The following TWIST2 variants were observed in gnomAD, a reference collection of about 807,000 sequenced individuals.
The protein encoded by TWIST2 is twist-related protein 2.
Under a neutral mutation model 11.6 loss-of-function variants are expected in TWIST2, and 1 was observed. The ratio of observed to expected loss-of-function variants is 0.09; its 90% confidence interval spans 0.03 to 0.41. The LOEUF (loss-of-function observed/expected upper bound fraction) is 0.41. Among genes scored for constraint, TWIST2 ranks in the 10% least tolerant of loss-of-function variants. The probability of loss-of-function intolerance (pLI) is 0.98; values close to 1 mark genes in which losing one functional copy is unlikely to be tolerated. For missense variants in TWIST2, 168 were observed against 226.4 expected, an observed-to-expected ratio of 0.74 and a Z score of 1.66; for synonymous variants, 87 against 96.6, an observed-to-expected ratio of 0.90 and a Z score of 0.58.
intron 1 of TWIST2, among the ~76,000 whole-genome samples, chr2:238,903,460 G>A (rs1484396880): frequency 7.1e-6 from 1 of 139,972 alleles, no homozygotes; most frequent in Non-Finnish European, 1.5e-5. Flanking sequence ...TCTAATGTGA[G>A]GTGTGTGTGA....
intron 1 of TWIST2, among the ~76,000 whole-genome samples, chr2:238,875,802 T>C (rs1017318577): frequency 1.3e-5 from 2 of 152,162 alleles, no homozygotes; most frequent in Non-Finnish European, 2.9e-5. Flanking sequence ...AATAAATAGA[T>C]GGAAAGGTTA....
chr2:238,870,306 ACCCCACACAC>A lies in TWIST2; in HGVS notation c.*35+21587_*35+21596del, dbSNP rs1386999630. Among the ~76,000 whole-genome samples, 5 of 1,740 alleles carry A rather than the reference ACCCCACACAC, an allele frequency of 2.9e-3. 1 individual carries two copies. The highest frequency in any genetic ancestry group is 0.026 in the African/African-American group (5 of 194). 1.1% of individuals were successfully genotyped at this position (1,740 alleles called of 152,430 possible). On this transcript the variant is annotated intron_variant, in intron 1 of 1. Coordinates refer to ENST00000612363, the MANE Select transcript of TWIST2 (RefSeq NM_001271893.4). Reference sequence around the variant, plus strand: ...CATCACATACCACACACCCCCACACACCCCACACACCCCCACACACCCCACACACCCCACA... The same window carrying A: ...CATCACATACCACACACCCCCACACACCCCACACACCCCACACACCCCACA...
At position 238,848,250 on chromosome 2, in the gene TWIST2, TGG is replaced by T; in HGVS notation, c.36_37del (p.Asp13GlnfsTer86). 6.6e-7 allele frequency: 1 copy of T among 1,514,150 alleles called. No individual in the cohort carries two copies. Among genetic ancestry groups the T allele is most frequent in the Non-Finnish European group, 8.8e-7 (1 of 1,132,138 alleles). 93.8% of individuals were successfully genotyped at this position (1,514,150 alleles called of 1,614,324 possible). A position where few individuals can be genotyped will look rare whatever the true frequency, so the allele number is the denominator to read the frequency against. On this transcript the variant is annotated frameshift_variant, in exon 1 of 2. Transcript: ENST00000612363. LOFTEE classifies it high-confidence loss of function. The stretch of plus-strand genomic sequence containing the variant: ...GGCTCCAGCTCGCCCGTGTCCCCCG[TGG>T]ACAGCCTGGGCACCAGCGAGGAGGA...
intron 1 of TWIST2, among the ~76,000 whole-genome samples, chr2:238,907,719 C>T (rs1175771876): frequency 6.7e-6 from 1 of 149,476 alleles, no homozygotes; most frequent in African/African-American, 2.5e-5. Context: ...ACACAATACA[C>T]ACACAAACAC....
At chr2:238,903,658 G>GTGTGATGTCGTGTGTGTGTGATA in intron 1 of TWIST2, among the ~76,000 whole-genome samples, 1 of 66 alleles carries the variant, frequency 0.015, no homozygotes, top group Admixed American at 0.17. Context: ...TGTGAGGTGT[G>GTGTGATGTCGTGTGTGTGTGATA]TNNNNNNNNN....
intron 1 of TWIST2, among the ~76,000 whole-genome samples, chr2:238,905,934 CGTGTGTGT>C (rs1201534035): frequency 7.5e-4 from 77 of 103,312 alleles, no homozygotes; most frequent in African/African-American, 2.2e-3. Context: ...TGCGTGTGCG[CGTGTGTGT>C]GCGCGCGCGT....
intron 1 of TWIST2, among the ~76,000 whole-genome samples, chr2:238,902,327 G>A (rs1166958725): frequency 2.0e-5 from 3 of 151,092 alleles, no homozygotes; most frequent in African/African-American, 7.3e-5. Context: ...TATGTGTGGT[G>A]TGGGGGTGTG....
chr2:238,870,552 CCACA>C (rs1445110776), intron 1 of TWIST2, among the ~76,000 whole-genome samples: 2 of 123,906 alleles, frequency 1.6e-5, no homozygotes, highest in African/African-American at 6.3e-5. Flanking sequence ...CCCACACACC[CCACA>C]CACACCACAC....
intron 1 of TWIST2, among the ~76,000 whole-genome samples, chr2:238,880,997 TTTA>T (rs1692913260): frequency 1.1e-5 from 1 of 92,058 alleles, no homozygotes; most frequent in South Asian, 4.1e-4. Flanking sequence ...GTTGGTAATA[TTTA>T]TTAGCATTAG....
At chr2:238,880,134 T>TGTGTTA (rs967542075) in intron 1 of TWIST2, among the ~76,000 whole-genome samples, 3 of 137,474 alleles carry the variant, frequency 2.2e-5, no homozygotes, top group East Asian at 5.7e-4. Flanking sequence ...TTAGTATTAG[T>TGTGTTA]GTGTTAGTGT....
At position 238,848,714 on chromosome 2, in the gene TWIST2, C is replaced by A; in HGVS notation, c.*16C>A. 1 of 1,486,582 alleles carries A rather than the reference C, an allele frequency of 6.7e-7. No individual in the cohort carries two copies. The highest frequency in any genetic ancestry group is 8.9e-7 in the Non-Finnish European group (1 of 1,119,814). 92.1% of individuals were successfully genotyped at this position (1,486,582 alleles called of 1,614,324 possible). A position where few individuals can be genotyped will look rare whatever the true frequency, so the allele number is the denominator to read the frequency against. The stretch of plus-strand genomic sequence containing the variant: ...CTCCCACTAGCGCCGCGCCACCCAC[C>A]TCCGGACCGGCGCGCCAGGGTAGGT... On this transcript the variant is annotated 3_prime_UTR_variant, in exon 1 of 2. Coordinates refer to ENST00000612363, the MANE Select transcript of TWIST2 (RefSeq NM_001271893.4).
intron 1 of TWIST2, among the ~76,000 whole-genome samples, chr2:238,890,436 T>C (rs2106369146): frequency 6.6e-6 from 1 of 152,218 alleles, no homozygotes; most frequent in African/African-American, 2.4e-5. Context: ...ACAAGCCTTG[T>C]AAAAAAGAGG....
chr2:238,881,213 C>CTTAGTGTTAGTGTCAGTATTAGTA (rs1248081031), intron 1 of TWIST2, among the ~76,000 whole-genome samples: 1 of 122,394 alleles, frequency 8.2e-6, no homozygotes, highest in Non-Finnish European at 1.6e-5. Context: ...TACTGTTAGT[C>CTTAGTGTTAGTGTCAGTATTAGTA]TTAGTGTTAG....
At chr2:238,852,668 C>CGCACAT (rs376635643) in intron 1 of TWIST2, among the ~76,000 whole-genome samples, 99,022 of 141,428 alleles carry the variant, frequency 0.7, 33,759 homozygotes, top group African/African-American at 0.81. Context: ...CACACACACA[C>CGCACAT]GCACATGCAC....
chr2:238,849,459 C>T (rs1286903872), intron 1 of TWIST2, among the ~76,000 whole-genome samples: 3 of 152,172 alleles, frequency 2.0e-5, no homozygotes, highest in Non-Finnish European at 4.4e-5. Flanking sequence ...CAGGCGGGTC[C>T]GACGCAGCCG....
chr2:238,862,090 G>A (rs2106352987), intron 1 of TWIST2, among the ~76,000 whole-genome samples: 1 of 152,338 alleles, frequency 6.6e-6, no homozygotes, highest in Non-Finnish European at 1.5e-5. Context: ...ACGGAACACA[G>A]CGGGACATCA....
chr2:238,869,801 A>G (rs565879961), intron 1 of TWIST2, among the ~76,000 whole-genome samples: 2 of 152,236 alleles, frequency 1.3e-5, no homozygotes, highest in Non-Finnish European at 2.9e-5. Flanking sequence ...ATAAAAAAGT[A>G]GCAGGGTGTG....
chr2:238,901,211 A>C (rs1693265081), intron 1 of TWIST2, among the ~76,000 whole-genome samples: 1 of 152,000 alleles, frequency 6.6e-6, no homozygotes, highest in Non-Finnish European at 1.5e-5. Flanking sequence ...TCCTGACCTC[A>C]AGTGAACCAC....
At chr2:238,894,998 GT>G (rs1205106470) in intron 1 of TWIST2, among the ~76,000 whole-genome samples, 6 of 152,108 alleles carry the variant, frequency 3.9e-5, no homozygotes, top group African/African-American at 1.4e-4. Flanking sequence ...TCTGCTGCTT[GT>G]CTCCCCATAT....
Sources: gnomAD v4.1 joint callset for allele counts (sites outside exome capture counted in the v4.1 genomes callset) on GRCh38, gnomAD v4.1.1 for gene constraint, MANE v1.5 for transcripts, NCBI Gene and HGNC (gene_info 2026-07-23, HGNC 2026-07-21) for gene names.